Variants in SLC1A3 observed in about 807,000 individuals in gnomAD.
SLC1A3 encodes the protein solute carrier family 1 member 3, also known as excitatory amino acid transporter 1.
SLC1A3 carries 21 observed loss-of-function variants against 48.1 expected under a neutral mutation model. The ratio of observed to expected loss-of-function variants is 0.44; its 90% CI spans 0.31 to 0.63. The LOEUF (loss-of-function observed/expected upper bound fraction) is 0.63, where lower values mean the gene tolerates loss of function less well. SLC1A3 is among the 20% of genes least tolerant of loss of function. SLC1A3 has a pLI of 0.08. For missense variants in SLC1A3, 546 were observed against 689.0 expected, an observed-to-expected ratio of 0.79 and a Z score of 2.32; for synonymous variants, 239 against 251.4, an observed-to-expected ratio of 0.95 and a Z score of 0.47.
At chr5:36,660,384 G>C (rs753857534) in intron 3 of SLC1A3, among the ~76,000 whole-genome samples, 1 of 151,992 alleles carries the variant, frequency 6.6e-6, no homozygotes, top group Non-Finnish European at 1.5e-5. Flanking sequence ...AAAAACATTG[G>C]AATATGAAGC....
At chr5:36,678,293 A>C (rs1742293288) in intron 6 of SLC1A3, among the ~76,000 whole-genome samples, 1 of 152,210 alleles carries the variant, frequency 6.6e-6, no homozygotes, top group Admixed American at 6.5e-5. Context: ...GACAGATCAG[A>C]ATGTGGTCTC....
At chr5:36,614,082 T>A (rs375946115) in intron 2 of SLC1A3, among the ~76,000 whole-genome samples, 1 of 152,186 alleles carries the variant, frequency 6.6e-6, no homozygotes. Context: ...TTATGTCCAG[T>A]TCTGGAACTG....
chr5:36,599,161 AAC>A (rs1738776848), intron 1 of SLC1A3, among the ~76,000 whole-genome samples: 1 of 152,160 alleles, frequency 6.6e-6, no homozygotes, highest in Non-Finnish European at 1.5e-5. Context: ...ACAGATCTAT[AAC>A]ACAGAATTTG....
At chr5:36,625,215 C>T (rs1486160018) in intron 2 of SLC1A3, among the ~76,000 whole-genome samples, 22 of 152,196 alleles carry the variant, frequency 1.4e-4, no homozygotes, top group Admixed American at 1.4e-3. Flanking sequence ...CCTAGCACTT[C>T]GGGAAGCCGA....
intron 2 of SLC1A3, among the ~76,000 whole-genome samples, chr5:36,610,219 T>A (rs1423369849): frequency 6.6e-6 from 1 of 152,198 alleles, no homozygotes; most frequent in Non-Finnish European, 1.5e-5. Context: ...CTAGTTGACA[T>A]CTTTTAAGAG....
At chr5:36,653,476 G>A (rs999326572) in intron 3 of SLC1A3, among the ~76,000 whole-genome samples, 6 of 152,140 alleles carry the variant, frequency 3.9e-5, no homozygotes, top group Admixed American at 2.0e-4. Context: ...TCTCAAAGTC[G>A]AATCTGGTAA....
intron 3 of SLC1A3, among the ~76,000 whole-genome samples, chr5:36,639,356 G>A (rs3776569): frequency 0.5 from 75,626 of 152,102 alleles, 19,559 homozygotes; most frequent in South Asian, 0.58. Flanking sequence ...TCTTTCACAC[G>A]CTTTGTTAAA....
At chr5:36,666,398 A>G (rs1275209539) in intron 3 of SLC1A3, 3 of 152,208 alleles carry the variant, frequency 2.0e-5, no homozygotes, top group Non-Finnish European at 4.4e-5. Context: ...TACATCTAAA[A>G]TAAAATAAAA....
rs139342707 is a variant in SLC1A3 at position 36,676,972 on chromosome 5, T to C, written c.648T>C (p.Asn216=). The C allele has an allele frequency of 1.4e-3, 2,183 of 1,613,980 alleles. 9 individuals are homozygous for C. The highest frequency in any genetic ancestry group is 4.2e-3 in the South Asian group (382 of 91,078). ...NETLVGAVIN[N]VSEAMETLTR... ...CGCTTGTGGGTGCTGTGATAAACAA[T>C]GTGTCTGAGGCCATGGAGACTCTTA... is the stretch of plus-strand genomic sequence containing the variant. Residue 216 remains asparagine, a synonymous_variant, in exon 6 of 10, where the codon AAT becomes AAC. Transcript: ENST00000265113.
At chr5:36,685,967 T>C in intron 9 of SLC1A3, 98 bp from the exon 10 acceptor site, 3 of 876,426 alleles carry the variant, frequency 3.4e-6, no homozygotes, top group Middle Eastern at 3.2e-4. Flanking sequence ...GCGAACTGAA[T>C]GTTAAGAGGT....
intron 3 of SLC1A3, among the ~76,000 whole-genome samples, chr5:36,659,679 C>T (rs1741428292): frequency 6.6e-6 from 1 of 152,158 alleles, no homozygotes; most frequent in Non-Finnish European, 1.5e-5. Flanking sequence ...TTCCAAATCA[C>T]CCCGCTAGAT....
chr5:36,650,412 T>C (rs1344719790), intron 3 of SLC1A3, among the ~76,000 whole-genome samples: 1 of 152,236 alleles, frequency 6.6e-6, no homozygotes, highest in Non-Finnish European at 1.5e-5. Flanking sequence ...TTTCTTTCTC[T>C]TTTCACAGTT....
chr5:36,603,981 C>A (rs1242160007), upstream of SLC1A3, among the ~76,000 whole-genome samples: 1 of 152,134 alleles, frequency 6.6e-6, no homozygotes, highest in African/African-American at 2.4e-5. Context: ...TGGCCTGTAC[C>A]ATGCTAAGAT....
chr5:36,633,607 C>A (rs1286879093), intron 3 of SLC1A3, among the ~76,000 whole-genome samples: 71 of 152,298 alleles, frequency 4.7e-4, no homozygotes, highest in Non-Finnish European at 1.6e-4. Flanking sequence ...AGCTTCCCTG[C>A]ATCCCTTAAT....
At chr5:36,600,017 G>C (rs886857081) in intron 1 of SLC1A3, among the ~76,000 whole-genome samples, 1 of 152,126 alleles carries the variant, frequency 6.6e-6, no homozygotes, top group Non-Finnish European at 1.5e-5. Context: ...GGAGTTCTTG[G>C]AGTTTAACTC....
chr5:36,629,010 A>G (rs1446056816), intron 2 of SLC1A3, among the ~76,000 whole-genome samples: 4 of 152,218 alleles, frequency 2.6e-5, no homozygotes, highest in Non-Finnish European at 4.4e-5. Context: ...AAATCACACT[A>G]TCCTTTAAAA....
At chr5:36,611,626 A>C (rs921579529) in intron 2 of SLC1A3, among the ~76,000 whole-genome samples, 1 of 152,198 alleles carries the variant, frequency 6.6e-6, no homozygotes, top group African/African-American at 2.4e-5. Flanking sequence ...CCGAGAGAAC[A>C]CAGTGCCAAG....
intron 9 of SLC1A3, among the ~76,000 whole-genome samples, chr5:36,684,361 A>G (rs961745508): frequency 6.6e-6 from 1 of 152,212 alleles, no homozygotes; most frequent in Non-Finnish European, 1.5e-5. Flanking sequence ...CAGGCCCCAC[A>G]TGCCAGCTTA....
chr5:36,670,328 A>C (rs1741936494), intron 3 of SLC1A3, among the ~76,000 whole-genome samples: 1 of 152,206 alleles, frequency 6.6e-6, no homozygotes, highest in Non-Finnish European at 1.5e-5. Context: ...AGAGGAAGAC[A>C]GGGTACAAGA....
Sources: allele counts gnomAD v4.1 joint callset (sites outside exome capture counted in the v4.1 genomes callset), GRCh38; gene constraint gnomAD v4.1.1; transcripts MANE v1.5; gene names NCBI Gene and HGNC (gene_info 2026-07-23, HGNC 2026-07-21).